CDH18: variants seen among roughly 807,000 people sequenced by gnomAD.
CDH18 encodes cadherin 18.
A neutral mutation model predicts 67.9 loss-of-function variants in CDH18; 31 were observed. The ratio of observed to expected loss-of-function variants is 0.46; its 90% CI spans 0.34 to 0.62. CDH18 has a LOEUF of 0.62. Ranked by LOEUF, CDH18 falls within the 20% of genes least tolerant of loss-of-function variation. The pLI is 0.01. For missense variants in CDH18, 890 were observed against 975.5 expected (o/e 0.91, Z 1.17); for synonymous variants, 362 against 347.2 (o/e 1.04, Z -0.48).
intron 5 of CDH18, among the ~76,000 whole-genome samples, chr5:19,689,098 T>C (rs1244789410): frequency 6.6e-6 from 1 of 152,048 alleles, no homozygotes; most frequent in Non-Finnish European, 1.5e-5. Flanking sequence ...ACAAAGGGCA[T>C]AGAAAACCTA....
chr5:19,516,167 G>C (rs1193200774), intron 10 of CDH18, among the ~76,000 whole-genome samples: 1 of 152,010 alleles, frequency 6.6e-6, no homozygotes, highest in East Asian at 1.9e-4. Flanking sequence ...ATTTGCGTAG[G>C]TTGAACCAGC....
At chr5:19,944,041 T>C (rs1795075013) in intron 2 of CDH18, among the ~76,000 whole-genome samples, 1 of 152,122 alleles carries the variant, frequency 6.6e-6, no homozygotes, top group Admixed American at 6.6e-5. Context: ...TATTCACTTT[T>C]AATTTAAAGA....
chr5:19,694,604 A>G (rs1292708392), intron 5 of CDH18, among the ~76,000 whole-genome samples: 2 of 152,026 alleles, frequency 1.3e-5, no homozygotes, highest in Non-Finnish European at 2.9e-5. Flanking sequence ...TCTTATTACT[A>G]TATTGTCCAA....
At chr5:20,074,002 G>C (rs1043184914) in intron 2 of CDH18, among the ~76,000 whole-genome samples, 3 of 151,992 alleles carry the variant, frequency 2.0e-5, no homozygotes, top group African/African-American at 7.2e-5. Context: ...TTGATGTTGG[G>C]CTGAATTTTT....
intron 2 of CDH18, among the ~76,000 whole-genome samples, chr5:19,870,699 G>A (rs961430528): frequency 6.6e-6 from 1 of 152,082 alleles, no homozygotes; most frequent in African/African-American, 2.4e-5. Context: ...ATGCTTAAAG[G>A]TCTAGGCAAA....
In CDH18 at chr5:20,555,408, C is replaced by CTTTTTTT. The variant is rs774396694; in HGVS notation, c.-580+20047_-580+20053dup. Among the ~76,000 whole-genome samples the CTTTTTTT allele has an allele frequency of 2.2e-3, 230 of 103,632 alleles. 9 individuals are homozygous for CTTTTTTT. The highest frequency in any genetic ancestry group is 3.4e-3 in the African/African-American group (82 of 24,364). The allele number at this position is 103,632 out of a possible 152,430, so 68.0% of individuals were successfully genotyped here. On this transcript the variant is annotated intron_variant, in intron 1 of 14. Transcript: ENST00000507958. ...GCCAGAACCACCAAGACAAGCTTTT[C>CTTTTTTT]TTTTTTTTTTTTTTTTTTTTTTTTT... is the stretch of plus-strand genomic sequence containing the variant.
At chr5:19,877,561 T>G (rs1249700276) in intron 2 of CDH18, among the ~76,000 whole-genome samples, 1 of 152,186 alleles carries the variant, frequency 6.6e-6, no homozygotes, top group East Asian at 1.9e-4. Flanking sequence ...TCATGTAATT[T>G]TTTTATTGAC....
intron 4 of CDH18, among the ~76,000 whole-genome samples, chr5:19,729,994 C>T (rs1025588809): frequency 6.6e-6 from 1 of 152,034 alleles, no homozygotes; most frequent in South Asian, 2.1e-4. Context: ...CTGTCTCTCT[C>T]TCCCTGCCTT....
chr5:19,640,013 C>G (rs1183289081), intron 5 of CDH18, among the ~76,000 whole-genome samples: 2 of 151,944 alleles, frequency 1.3e-5, no homozygotes, highest in Non-Finnish European at 2.9e-5. Flanking sequence ...CATACTATAC[C>G]CAGAGAAATT....
At chr5:19,488,027 G>A (rs1018982578) in intron 11 of CDH18, among the ~76,000 whole-genome samples, 1 of 152,086 alleles carries the variant, frequency 6.6e-6, no homozygotes, top group South Asian at 2.1e-4. Flanking sequence ...GAATACATTA[G>A]TAGAATACAA....
intron 3 of CDH18, among the ~76,000 whole-genome samples, chr5:19,834,539 T>C (rs1781411720): frequency 6.6e-6 from 1 of 152,098 alleles, no homozygotes; most frequent in Admixed American, 6.6e-5. Flanking sequence ...TCTTCTCTGA[T>C]CTTAGTTATT....
intron 7 of CDH18, among the ~76,000 whole-genome samples, chr5:19,582,479 A>C (rs1743432106): frequency 6.6e-6 from 1 of 152,002 alleles, no homozygotes; most frequent in South Asian, 2.1e-4. Context: ...TAATTTACCC[A>C]ATAGCGTTTC....
At chr5:20,250,308 T>A (rs1396545786) in intron 2 of CDH18, among the ~76,000 whole-genome samples, 1 of 152,016 alleles carries the variant, frequency 6.6e-6, no homozygotes, top group Admixed American at 6.5e-5. Flanking sequence ...TTATTTATTT[T>A]TTTCAGACGA....
chr5:20,110,440 T>C (rs1311184086), intron 2 of CDH18, among the ~76,000 whole-genome samples: 13 of 152,170 alleles, frequency 8.5e-5, no homozygotes, highest in Non-Finnish European at 1.0e-4. Flanking sequence ...CCCAGCACTT[T>C]GGGAGGCCGA....
intron 2 of CDH18, among the ~76,000 whole-genome samples, chr5:19,852,530 T>A (rs1015928157): frequency 6.6e-6 from 1 of 152,056 alleles, no homozygotes; most frequent in African/African-American, 2.4e-5. Flanking sequence ...GAGAAAGTCA[T>A]GAGGTTTCTA....
intron 3 of CDH18, among the ~76,000 whole-genome samples, chr5:19,823,106 T>A (rs1489770979): frequency 6.6e-6 from 1 of 152,210 alleles, no homozygotes; most frequent in Non-Finnish European, 1.5e-5. Flanking sequence ...TTTAAGGTTA[T>A]CTGTCTTGTT....
intron 2 of CDH18, among the ~76,000 whole-genome samples, chr5:20,037,015 C>T (rs901812963): frequency 6.6e-6 from 1 of 151,910 alleles, no homozygotes; most frequent in African/African-American, 2.4e-5. Flanking sequence ...TGTCTTTGCA[C>T]GTGACATGGG....
chr5:19,608,630 A>C (rs1467765332), intron 6 of CDH18, among the ~76,000 whole-genome samples: 1 of 151,832 alleles, frequency 6.6e-6, no homozygotes, highest in Admixed American at 6.6e-5. Context: ...ACTGCCATCT[A>C]TTGAATTTTT....
intron 1 of CDH18, among the ~76,000 whole-genome samples, chr5:20,566,525 A>G (rs1330804880): frequency 1.6e-3 from 158 of 95,952 alleles, no homozygotes; most frequent in African/African-American, 5.7e-3. Flanking sequence ...ATGCCCAGCT[A>G]ATTTTTTTTT....
Sources: allele counts gnomAD v4.1 joint callset (sites outside exome capture counted in the v4.1 genomes callset), GRCh38; gene constraint gnomAD v4.1.1; transcripts MANE v1.5; gene names NCBI Gene and HGNC (gene_info 2026-07-23, HGNC 2026-07-21).